Variants in TGFBR2 observed in about 807,000 individuals in gnomAD.
TGFBR2 encodes transforming growth factor beta receptor 2.
In TGFBR2, 18 loss-of-function variants were observed where a neutral mutation model predicts 49.0. That is an observed-to-expected ratio of 0.37 (90% CI 0.25 to 0.54). TGFBR2 has a LOEUF of 0.54. Ranked by LOEUF, TGFBR2 falls within the 20% of genes least tolerant of loss-of-function variation. The pLI is 0.85. For synonymous variants in TGFBR2, 282 were observed against 275.9 expected (o/e 1.02, Z -0.22); for missense variants, 525 against 722.6 (o/e 0.73, Z 3.13).
chr3:30,662,679 G>A (rs1256607007), intron 3 of TGFBR2, among the ~76,000 whole-genome samples: 1 of 152,072 alleles, frequency 6.6e-6, no homozygotes, highest in East Asian at 1.9e-4. Context: ...TTTTTACTAG[G>A]ATGATGGATG....
At chr3:30,641,794 G>T (rs991335530) in intron 1 of TGFBR2, among the ~76,000 whole-genome samples, 1 of 151,940 alleles carries the variant, frequency 6.6e-6, no homozygotes, top group Non-Finnish European at 1.5e-5. Context: ...CAAGTAACAT[G>T]TATTATATCT....
At chr3:30,619,358 T>TC (rs1193740980) in intron 1 of TGFBR2, among the ~76,000 whole-genome samples, 1 of 152,036 alleles carries the variant, frequency 6.6e-6, no homozygotes, top group East Asian at 1.9e-4. Context: ...CAGTTAAATC[T>TC]CCCCCCAGAT....
intron 1 of TGFBR2, among the ~76,000 whole-genome samples, chr3:30,635,235 G>A (rs1358583644): frequency 1.3e-5 from 2 of 152,124 alleles, no homozygotes; most frequent in Non-Finnish European, 2.9e-5. Flanking sequence ...ACTGCCTTTG[G>A]CAACAATGTG....
chr3:30,638,094 C>T (rs986694664), intron 1 of TGFBR2, among the ~76,000 whole-genome samples: 1 of 152,122 alleles, frequency 6.6e-6, no homozygotes, highest in African/African-American at 2.4e-5. Flanking sequence ...TGACATGCTT[C>T]GCTTTTAGAG....
intron 1 of TGFBR2, among the ~76,000 whole-genome samples, chr3:30,608,793 C>G (rs546321753): frequency 2.2e-4 from 33 of 152,276 alleles, no homozygotes; most frequent in African/African-American, 7.2e-4. Flanking sequence ...TCCTGCATTG[C>G]AGTACCAGAA....
chr3:30,672,351 G>A lies in TGFBR2; in HGVS notation c.1168G>A (p.Asp390Asn), dbSNP rs2125436704. ...LKSSNILVKN[D>N]LTCCLCDFGL... ...GAGCTCCAATATCCTCGTGAAGAAC[G>A]ACCTAACCTGCTGCCTGTGTGACTT... The change falls in exon 4 of 7, where the codon GAC becomes AAC. Residue 390 changes from aspartate to asparagine, a missense_variant. Asp to Asn is a conservative substitution (Grantham distance 23). Coordinates refer to ENST00000295754, the MANE Select transcript of TGFBR2 (RefSeq NM_003242.6). This position sits in a 1 kb window ranked among gnomAD's most constrained non-coding sequence, Gnocchi z 4.5. The A allele has an allele frequency of 1.9e-6, 3 of 1,614,048 alleles. No homozygotes were observed. Among genetic ancestry groups the A allele is most frequent in the South Asian group, 2.2e-5 (2 of 91,066 alleles).
chr3:30,649,004 G>A (rs755690601), intron 2 of TGFBR2, among the ~76,000 whole-genome samples: 28 of 152,112 alleles, frequency 1.8e-4, no homozygotes, highest in Non-Finnish European at 2.8e-4. Flanking sequence ...CCTGCCTTCC[G>A]TTTTCCTTGC....
At chr3:30,622,668 T>C (rs1575133525) in intron 1 of TGFBR2, among the ~76,000 whole-genome samples, 1 of 149,680 alleles carries the variant, frequency 6.7e-6, no homozygotes, top group Non-Finnish European at 1.5e-5. Context: ...GATCACGAGG[T>C]CAGGAGTTTG....
At chr3:30,643,815 A>G (rs1055013028) in intron 1 of TGFBR2, among the ~76,000 whole-genome samples, 1 of 152,236 alleles carries the variant, frequency 6.6e-6, no homozygotes, top group African/African-American at 2.4e-5. Context: ...TGCAGACAAT[A>G]AATAAAACAG....
chr3:30,666,857 G>A (rs969760972), intron 3 of TGFBR2, among the ~76,000 whole-genome samples: 1 of 151,618 alleles, frequency 6.6e-6, no homozygotes, highest in Non-Finnish European at 1.5e-5. Flanking sequence ...TGTTGCCCAG[G>A]CTAGTCTCAA....
At chr3:30,614,561 G>T (rs923036413) in intron 1 of TGFBR2, among the ~76,000 whole-genome samples, 11 of 152,060 alleles carry the variant, frequency 7.2e-5, no homozygotes, top group African/African-American at 2.7e-4. Flanking sequence ...AATGAAATTG[G>T]GCTTATTTCC....
rs140122369 is a variant in TGFBR2, at chr3:30,687,455, G to A, written c.1397-929G>A. On this transcript the variant is annotated intron_variant, in intron 5 of 6. Transcript: ENST00000295754. ...TTGCCCAGGTTGGTCTCAAACTCCC[G>A]GAGTCAAGATATCCTCCTTCAGCCT... Among the ~76,000 whole-genome samples the A allele has an allele frequency of 2.6e-3, 394 of 152,028 alleles. 1 individual carries two copies. Among genetic ancestry groups the A allele is most frequent in the African/African-American group, 9.0e-3 (375 of 41,458 alleles).
At chr3:30,637,418 G>A (rs536162341) in intron 1 of TGFBR2, among the ~76,000 whole-genome samples, 2 of 152,324 alleles carry the variant, frequency 1.3e-5, no homozygotes, top group South Asian at 2.1e-4. Flanking sequence ...CCAGAACACA[G>A]ATACCTTAAA....
rs141865386 is a variant in TGFBR2, at chr3:30,679,385, A to G, written c.1396+5139A>G. Among the ~76,000 whole-genome samples the G allele has an allele frequency of 4.5e-4, 69 of 152,324 alleles. No homozygotes were observed. The East Asian group carries it at 0.011, about 25-fold the overall frequency. ...GGAGCACAGGGAAAACAGAGAAAGA[A>G]CAGCACTACACTGGAGAAGCCTCAC... is the stretch of plus-strand genomic sequence containing the variant. On this transcript the variant is annotated intron_variant, in intron 5 of 6. Coordinates refer to ENST00000295754, the MANE Select transcript of TGFBR2 (RefSeq NM_003242.6).
At chr3:30,665,418 G>T (rs1699225036) in intron 3 of TGFBR2, among the ~76,000 whole-genome samples, 1 of 152,100 alleles carries the variant, frequency 6.6e-6, no homozygotes, top group South Asian at 2.1e-4. Context: ...TCATACATAG[G>T]GTTATTGGAG....
intron 3 of TGFBR2, among the ~76,000 whole-genome samples, chr3:30,651,409 T>C (rs1361215565): frequency 2.6e-5 from 4 of 152,142 alleles, no homozygotes; most frequent in African/African-American, 9.7e-5. Context: ...CTTTCATCCA[T>C]CTGTCCATCC....
intron 6 of TGFBR2, among the ~76,000 whole-genome samples, chr3:30,689,327 G>A (rs1225955216): frequency 6.6e-6 from 1 of 152,178 alleles, no homozygotes; most frequent in Non-Finnish European, 1.5e-5. Context: ...CACCCAGGAA[G>A]GAGCCCTTAG....
At chr3:30,680,618 A>C (rs1429654790) in intron 5 of TGFBR2, among the ~76,000 whole-genome samples, 1 of 152,098 alleles carries the variant, frequency 6.6e-6, no homozygotes, top group Admixed American at 6.5e-5. Context: ...TTTAGAAAGA[A>C]AAATAGACTT....
rs561784203 is a variant in TGFBR2, at chr3:30,680,432, G to A, written c.1396+6186G>A. Among the ~76,000 whole-genome samples the A allele has an allele frequency of 6.6e-5, 10 of 152,240 alleles. No homozygotes were observed. The South Asian group carries it at 2.1e-3, about 32-fold the overall frequency. On this transcript the variant is annotated intron_variant, in intron 5 of 6. Transcript: ENST00000295754. ...TTCATTCACTCAAAAAGTATTTATT[G>A]AGTACCTATTGTGTCGCAGGCATTG...
Sources: gnomAD v4.1 joint callset for allele counts (sites outside exome capture counted in the v4.1 genomes callset) on GRCh38, gnomAD v4.1.1 for gene constraint, Gnocchi (gnomAD v3.1) non-coding constraint, MANE v1.5 for transcripts, NCBI Gene and HGNC (gene_info 2026-07-23, HGNC 2026-07-21) for gene names.